The following PCDH15 variants were observed in gnomAD, a reference collection of about 807,000 sequenced individuals.
The protein encoded by PCDH15 is protocadherin related 15.
In PCDH15, 129 loss-of-function variants were observed where a neutral mutation model predicts 178.5. The ratio of observed to expected loss-of-function variants is 0.72; its 90% CI spans 0.63 to 0.84. The LOEUF is 0.84. Ranked by LOEUF, PCDH15 falls within the 40% of genes least tolerant of loss-of-function variation. The probability of loss-of-function intolerance (pLI) is 0.00; values close to 1 mark genes in which losing one functional copy is unlikely to be tolerated. For synonymous variants in PCDH15, 800 were observed against 732.0 expected, an observed-to-expected ratio of 1.09 and a Z score of -1.50; for missense variants, 2,230 against 2,099.9, an observed-to-expected ratio of 1.06 and a Z score of -1.21.
intron 1 of PCDH15, among the ~76,000 whole-genome samples, chr10:55,261,151 A>G (rs550111891): frequency 1.3e-5 from 2 of 152,330 alleles, no homozygotes; most frequent in African/African-American, 4.8e-5. Context: ...CTTCATTTAA[A>G]GCAGCAAAAG....
intron 1 of PCDH15, among the ~76,000 whole-genome samples, chr10:55,277,989 A>C (rs1378665040): frequency 6.6e-6 from 1 of 152,174 alleles, no homozygotes; most frequent in South Asian, 2.1e-4. Context: ...GGAAGGAATC[A>C]TGTTCAGAAT....
Position 54,052,817 on chromosome 10 carries a change from T to G in PCDH15, c.2220+13940A>C, listed in dbSNP as rs546934622. 1.3e-4 allele frequency among the ~76,000 whole-genome samples: 20 copies of G among 152,258 alleles called. No homozygotes were observed. The East Asian group carries it at 3.3e-3, about 25-fold the overall frequency. On this transcript the variant is annotated intron_variant, in intron 18 of 37. Transcript: ENST00000644397. ...TTTAGTTCCCATAATCCGCATGTGT[T>G]GTGGGAGGAACCCAGTGGGAGGTAA...
chr10:55,400,902 G>A (rs1838045836), intron 2 of PCDH15, among the ~76,000 whole-genome samples: 1 of 152,038 alleles, frequency 6.6e-6, no homozygotes, highest in African/African-American at 2.4e-5. Context: ...TTGGGAAACT[G>A]GGATTTGTTC....
At chr10:54,191,446 C>T (rs2048979078) in intron 11 of PCDH15, among the ~76,000 whole-genome samples, 1 of 152,116 alleles carries the variant, frequency 6.6e-6, no homozygotes, top group African/African-American at 2.4e-5. Flanking sequence ...AATGAGCAAA[C>T]ATTAGACAAG....
intron 26 of PCDH15, among the ~76,000 whole-genome samples, chr10:53,871,722 CTTGTTTTGTTTTGTT>C (rs201361066): frequency 1.6e-3 from 238 of 149,588 alleles, no homozygotes; most frequent in Middle Eastern, 3.4e-3. Flanking sequence ...GCTTCCAGTT[CTTGTTTTGTTTTGTT>C]TTGTTTTGTT....
intron 3 of PCDH15, among the ~76,000 whole-genome samples, chr10:54,853,291 A>G (rs11004599): frequency 0.17 from 9,888 of 57,948 alleles, 466 homozygotes; most frequent in East Asian, 0.3. Context: ...GTATGTGTGT[A>G]TATATATATA....
intron 9 of PCDH15, among the ~76,000 whole-genome samples, chr10:54,224,916 T>C (rs773463351): frequency 6.6e-6 from 1 of 152,182 alleles, no homozygotes; most frequent in Non-Finnish European, 1.5e-5. Flanking sequence ...CTTTTTCAGC[T>C]ACTTGTTATA....
chr10:55,618,665 T>C (rs981081597), intron 2 of PCDH15, among the ~76,000 whole-genome samples: 6 of 152,160 alleles, frequency 3.9e-5, no homozygotes, highest in African/African-American at 1.4e-4. Context: ...GTGATACTCA[T>C]GTGGTATTAG....
chr10:55,296,875 T>C (rs972406484), intron 1 of PCDH15, among the ~76,000 whole-genome samples: 2 of 152,196 alleles, frequency 1.3e-5, no homozygotes, highest in African/African-American at 2.4e-5. Context: ...TGTCCCTTTG[T>C]ACCTCCTTCA....
chr10:53,914,106 A>T (rs2083353504), intron 25 of PCDH15, among the ~76,000 whole-genome samples: 1 of 152,190 alleles, frequency 6.6e-6, no homozygotes, highest in Non-Finnish European at 1.5e-5. Flanking sequence ...TTAAAAAGTC[A>T]GGAAACAACA....
At chr10:54,992,099 G>A (rs150829298) in intron 2 of PCDH15, among the ~76,000 whole-genome samples, 2 of 151,828 alleles carry the variant, frequency 1.3e-5, no homozygotes, top group South Asian at 4.2e-4. Context: ...AAAAAATAAA[G>A]AATTTTTTAA....
At chr10:55,478,120 A>C (rs1840100099) in intron 2 of PCDH15, among the ~76,000 whole-genome samples, 1 of 151,788 alleles carries the variant, frequency 6.6e-6, no homozygotes. Flanking sequence ...AGAGGAAATA[A>C]TAAATGTAAA....
intron 2 of PCDH15, among the ~76,000 whole-genome samples, chr10:55,364,974 T>C (rs1252066535): frequency 6.6e-6 from 1 of 152,202 alleles, no homozygotes; most frequent in East Asian, 1.9e-4. Flanking sequence ...AAAAAAATTA[T>C]CTTATTTGTC....
intron 2 of PCDH15, among the ~76,000 whole-genome samples, chr10:55,474,688 G>A (rs1053240053): frequency 2.0e-5 from 3 of 152,122 alleles, no homozygotes; most frequent in Non-Finnish European, 4.4e-5. Flanking sequence ...CTTTCAAATC[G>A]GCTGGGAAGA....
At chr10:54,800,753 C>T (rs1952589047) in intron 1 of PCDH15, among the ~76,000 whole-genome samples, 172 bp downstream of exon 1, 1 of 152,178 alleles carries the variant, frequency 6.6e-6, no homozygotes, top group Non-Finnish European at 1.5e-5. Flanking sequence ...TGTGTTCACT[C>T]TTCCAGCAAA....
chr10:53,949,679 G>A (rs2086856754), intron 23 of PCDH15, among the ~76,000 whole-genome samples: 3 of 151,802 alleles, frequency 2.0e-5, no homozygotes, highest in African/African-American at 4.8e-5. Context: ...AGCTATGACC[G>A]AGCCATTGCA....
chr10:53,919,134 C>T (rs1338589369), intron 25 of PCDH15, among the ~76,000 whole-genome samples: 1 of 152,054 alleles, frequency 6.6e-6, no homozygotes, highest in East Asian at 1.9e-4. Flanking sequence ...AATAATCACC[C>T]TATATTAAAT....
intron 2 of PCDH15, among the ~76,000 whole-genome samples, chr10:55,404,201 G>A (rs1242823627): frequency 2.0e-5 from 3 of 152,004 alleles, no homozygotes; most frequent in South Asian, 2.1e-4. Flanking sequence ...GGGAAGTGCA[G>A]AATCTAGACA....
At chr10:54,994,068 T>C (rs1418215045) in intron 2 of PCDH15, among the ~76,000 whole-genome samples, 1 of 152,196 alleles carries the variant, frequency 6.6e-6, no homozygotes, top group African/African-American at 2.4e-5. Flanking sequence ...GTCAAAAACA[T>C]GACACCAAAT....
Sources: gnomAD v4.1 joint callset for allele counts (sites outside exome capture counted in the v4.1 genomes callset) on GRCh38, gnomAD v4.1.1 for gene constraint, MANE v1.5 for transcripts, NCBI Gene and HGNC (gene_info 2026-07-23, HGNC 2026-07-21) for gene names.